ERI3: variants seen among roughly 807,000 people sequenced by gnomAD.
ERI3 encodes the protein ERI1 exoribonuclease family member 3, also known as ERI1 exoribonuclease 3.
In ERI3, 18 loss-of-function variants were observed where a neutral mutation model predicts 44.4. The ratio of observed to expected loss-of-function variants is 0.41; its 90% confidence interval spans 0.28 to 0.60. The LOEUF is 0.60. Among genes scored for constraint, ERI3 ranks in the 20% least tolerant of loss-of-function variants. The pLI is 0.36. For synonymous variants in ERI3, 183 were observed against 164.8 expected, an observed-to-expected ratio of 1.11 and a Z score of -0.84; for missense variants, 294 against 435.5, an observed-to-expected ratio of 0.68 and a Z score of 2.89.
chr1:44,309,377 C>T (rs549848104), intron 5 of ERI3, among the ~76,000 whole-genome samples: 1 of 152,104 alleles, frequency 6.6e-6, no homozygotes, highest in African/African-American at 2.4e-5. Flanking sequence ...CGCCTGTAAT[C>T]CCAGCTACTT....
intron 5 of ERI3, among the ~76,000 whole-genome samples, chr1:44,312,905 C>T (rs1646004101): frequency 1.3e-5 from 2 of 152,258 alleles, no homozygotes; most frequent in African/African-American, 2.4e-5. Context: ...CAGCATAGGG[C>T]CATAGGCCAG....
Position 44,355,061 on chromosome 1 carries a change from C to A in ERI3, c.-35G>T, listed in dbSNP as rs767941183. 1.1e-5 allele frequency: 15 copies of A among 1,345,636 alleles called. No individual in the cohort carries two copies. In the African/African-American group the frequency reaches 2.0e-4, roughly 18 times the overall value. The allele number at this position is 1,345,636 out of a possible 1,614,324, so 83.4% of individuals were successfully genotyped here. ...CCCTCCTCGGGGCCAGCGCGGCAGG[C>A]TCCCTCCAGGTGCAGGCCCCGACGT... On this transcript the variant is annotated 5_prime_UTR_variant, in exon 1 of 9. Transcript: ENST00000372257.
chr1:44,227,860 C>A (rs1644083060), intron 8 of ERI3, among the ~76,000 whole-genome samples: 1 of 152,078 alleles, frequency 6.6e-6, no homozygotes, highest in Non-Finnish European at 1.5e-5. Flanking sequence ...GTTTTGGTTT[C>A]TTCTTCTCTA....
intron 7 of ERI3, among the ~76,000 whole-genome samples, chr1:44,248,930 G>C (rs559208199): frequency 1.8e-4 from 28 of 152,108 alleles, no homozygotes; most frequent in Middle Eastern, 3.4e-3. Context: ...CTCCACCTGG[G>C]GGGGGGACAC....
chr1:44,249,141 G>A (rs569894929), intron 7 of ERI3, among the ~76,000 whole-genome samples: 3 of 152,240 alleles, frequency 2.0e-5, no homozygotes, highest in East Asian at 3.9e-4. Flanking sequence ...GTAGCTAGTC[G>A]GGCCTTCAAA....
At chr1:44,303,526 C>T (rs767208551) in intron 6 of ERI3, among the ~76,000 whole-genome samples, 4 of 152,066 alleles carry the variant, frequency 2.6e-5, no homozygotes, top group Admixed American at 6.5e-5. Flanking sequence ...CAATCTAGTG[C>T]GAGAGAAAGA....
chr1:44,306,129 C>T (rs1196070331), intron 6 of ERI3, among the ~76,000 whole-genome samples: 1 of 152,210 alleles, frequency 6.6e-6, no homozygotes, highest in African/African-American at 2.4e-5. Flanking sequence ...ATGCAGAGAC[C>T]TGCTTATAAG....
chr1:44,302,675 G>A (rs942983868), intron 6 of ERI3, among the ~76,000 whole-genome samples: 8 of 152,152 alleles, frequency 5.3e-5, no homozygotes, highest in Non-Finnish European at 7.3e-5. Context: ...CACCTCTACC[G>A]ATATCAAATG....
chr1:44,317,588 G>A (rs921252844), intron 4 of ERI3, among the ~76,000 whole-genome samples: 3 of 152,096 alleles, frequency 2.0e-5, no homozygotes, highest in Non-Finnish European at 4.4e-5. Flanking sequence ...ATGGGATGGA[G>A]ATGGATCAGG....
intron 7 of ERI3, among the ~76,000 whole-genome samples, chr1:44,273,067 C>T (rs1645119096): frequency 1.3e-5 from 2 of 152,102 alleles, no homozygotes; most frequent in Admixed American, 1.3e-4. Flanking sequence ...AAGAGCTCTC[C>T]AAAACCACAC....
chr1:44,248,137 G>A, intron 7 of ERI3, 99 bp from the exon 8 acceptor site: 1 of 728,568 alleles, frequency 1.4e-6, no homozygotes. Flanking sequence ...TTCCAACAAG[G>A]AATCCCTCTC....
intron 2 of ERI3, among the ~76,000 whole-genome samples, chr1:44,349,141 T>C (rs886621853): frequency 1.3e-5 from 2 of 152,078 alleles, no homozygotes; most frequent in African/African-American, 4.8e-5. Flanking sequence ...CTGAAAAAAG[T>C]TCTGGGATTG....
At chr1:44,326,785 C>T (rs572787792) in intron 3 of ERI3, among the ~76,000 whole-genome samples, 34 of 152,308 alleles carry the variant, frequency 2.2e-4, no homozygotes, top group Non-Finnish European at 3.2e-4. Flanking sequence ...CCCCCTCTCC[C>T]CATCTCCATA....
chr1:44,328,248 C>G lies in ERI3; in HGVS notation c.490-8504G>C, dbSNP rs149779228. 8.5e-4 allele frequency among the ~76,000 whole-genome samples: 101 copies of G among 119,022 alleles called. No individual in the cohort carries two copies. The East Asian group carries it at 0.02, about 23-fold the overall frequency. The allele number at this position is 119,022 out of a possible 152,430, so 78.1% of individuals were successfully genotyped here. A position where few individuals can be genotyped will look rare whatever the true frequency, so the allele number is the denominator to read the frequency against. ...CCCCCCACCCCCGCAATGCACTGAA[C>G]ACATTTCTCACACACTGTCCCATAT... On this transcript the variant is annotated intron_variant, in intron 3 of 8. Transcript: ENST00000372257.
chr1:44,233,742 A>G (rs972448566), intron 8 of ERI3, among the ~76,000 whole-genome samples: 1 of 151,866 alleles, frequency 6.6e-6, no homozygotes, highest in African/African-American at 2.4e-5. Context: ...AAATATATTA[A>G]TTCTCTCCCA....
chr1:44,337,646 A>C (rs1646561931), intron 3 of ERI3, among the ~76,000 whole-genome samples: 1 of 152,230 alleles, frequency 6.6e-6, no homozygotes, highest in Non-Finnish European at 1.5e-5. Flanking sequence ...CCAGTGCCTC[A>C]AAGGCAGACC....
At chr1:44,268,240 C>T (rs1026812211) in intron 7 of ERI3, among the ~76,000 whole-genome samples, 8 of 150,504 alleles carry the variant, frequency 5.3e-5, no homozygotes, top group African/African-American at 7.4e-5. Flanking sequence ...AGGTCTGAGT[C>T]ACCTCTGAGT....
intron 6 of ERI3, among the ~76,000 whole-genome samples, chr1:44,286,958 C>T (rs1645406259): frequency 6.6e-6 from 1 of 152,192 alleles, no homozygotes; most frequent in Non-Finnish European, 1.5e-5. Context: ...AAGGGCAGGG[C>T]CCCAGACCTT....
chr1:44,222,173 C>A (rs1020862905), intron 8 of ERI3, among the ~76,000 whole-genome samples: 3 of 152,198 alleles, frequency 2.0e-5, no homozygotes, highest in Non-Finnish European at 2.9e-5. Flanking sequence ...TGACAAGGCA[C>A]AAGGCTTGGC....
Sources: allele counts gnomAD v4.1 joint callset (sites outside exome capture counted in the v4.1 genomes callset), GRCh38; gene constraint gnomAD v4.1.1; transcripts MANE v1.5; gene names NCBI Gene and HGNC (gene_info 2026-07-23, HGNC 2026-07-21).